HS3ST5: variants seen among roughly 807,000 people sequenced by gnomAD.
HS3ST5 encodes heparan sulfate glucosamine 3-O-sulfotransferase 5.
In HS3ST5, 10 loss-of-function variants were observed where a neutral mutation model predicts 25.4. The observed-to-expected ratio is 0.39, with a 90% CI of 0.24 to 0.67. HS3ST5 has a LOEUF of 0.67. Among genes scored for constraint, HS3ST5 ranks in the 30% least tolerant of loss-of-function variants. The pLI, the probability that HS3ST5 is intolerant of heterozygous loss-of-function variation, is 0.44. For synonymous variants in HS3ST5, 170 were observed against 162.4 expected, an observed-to-expected ratio of 1.05 and a Z score of -0.36; for missense variants, 324 against 420.7, an observed-to-expected ratio of 0.77 and a Z score of 2.01.
chr6:114,226,635 T>A (rs1438150478), intron 2 of HS3ST5, among the ~76,000 whole-genome samples: 1 of 151,944 alleles, frequency 6.6e-6, no homozygotes, highest in Non-Finnish European at 1.5e-5. Context: ...AATGGTCCAT[T>A]TCTGCTCTAA....
chr6:114,092,435 C>T (rs1429871714), intron 3 of HS3ST5, among the ~76,000 whole-genome samples: 13 of 151,948 alleles, frequency 8.6e-5, no homozygotes. Context: ...GCTTGAATAA[C>T]CTGAAACTTA....
At chr6:114,161,530 T>TAA in intron 3 of HS3ST5, among the ~76,000 whole-genome samples, 2 of 34,270 alleles carry the variant, frequency 5.8e-5, no homozygotes, top group Non-Finnish European at 1.1e-4. Context: ...TTTATATATA[T>TAA]ATATATATAT....
chr6:114,195,485 A>C (rs953599496), intron 2 of HS3ST5, among the ~76,000 whole-genome samples: 1 of 151,774 alleles, frequency 6.6e-6, no homozygotes, highest in African/African-American at 2.4e-5. Flanking sequence ...AAGGAATGCA[A>C]ATTAAAAAAA....
intron 3 of HS3ST5, among the ~76,000 whole-genome samples, chr6:114,147,760 T>C (rs1379484905): frequency 1.3e-5 from 2 of 152,088 alleles, no homozygotes. Flanking sequence ...TTTGTATTTT[T>C]AGTAGAGACA....
intron 1 of HS3ST5, chr6:114,231,243 A>G (rs916409614): frequency 6.6e-6 from 1 of 152,140 alleles, no homozygotes; most frequent in Non-Finnish European, 1.5e-5. Context: ...TCATTTTGTA[A>G]ATAGCACTAT....
chr6:114,320,269 A>G (rs1775911428), intron 1 of HS3ST5, among the ~76,000 whole-genome samples: 1 of 152,110 alleles, frequency 6.6e-6, no homozygotes, highest in African/African-American at 2.4e-5. Flanking sequence ...TTTAAGTATT[A>G]AAGCCACGCT....
chr6:114,309,309 A>G (rs1775433093), intron 1 of HS3ST5, among the ~76,000 whole-genome samples: 1 of 152,220 alleles, frequency 6.6e-6, no homozygotes, highest in African/African-American at 2.4e-5. Flanking sequence ...TTTAAGCAGT[A>G]ATAGGTAAAA....
chr6:114,286,974 G>A (rs999956507), intron 1 of HS3ST5, among the ~76,000 whole-genome samples: 1 of 151,878 alleles, frequency 6.6e-6, no homozygotes, highest in Admixed American at 6.6e-5. Context: ...AATTAGAATG[G>A]TACAGAGTAG....
At chr6:114,225,625 A>C (rs546093408) in intron 2 of HS3ST5, among the ~76,000 whole-genome samples, 9 of 151,898 alleles carry the variant, frequency 5.9e-5, no homozygotes, top group South Asian at 4.1e-4. Flanking sequence ...AAACTGTTGC[A>C]CTGCACTTTA....
At chr6:114,161,180 G>A (rs1778928231) in intron 3 of HS3ST5, among the ~76,000 whole-genome samples, 2 of 152,022 alleles carry the variant, frequency 1.3e-5, no homozygotes, top group South Asian at 4.2e-4. Context: ...ATATGAGAGG[G>A]CAGATATCAA....
intron 1 of HS3ST5, among the ~76,000 whole-genome samples, chr6:114,337,540 CT>C (rs1776657897): frequency 6.6e-6 from 1 of 152,130 alleles, no homozygotes; most frequent in South Asian, 2.1e-4. Context: ...TTAAAGTTAC[CT>C]AATTTAAAAG....
intron 1 of HS3ST5, among the ~76,000 whole-genome samples, chr6:114,230,761 T>C (rs1771548453): frequency 1.3e-5 from 2 of 151,926 alleles, no homozygotes; most frequent in African/African-American, 4.8e-5. Flanking sequence ...TATTTTTTTT[T>C]GTATTTTTAA....
intron 3 of HS3ST5, among the ~76,000 whole-genome samples, chr6:114,131,653 A>G (rs1777339100): frequency 6.6e-6 from 1 of 152,206 alleles, no homozygotes; most frequent in Admixed American, 6.5e-5. Flanking sequence ...GAAACTATCT[A>G]TTGTAGACTT....
At chr6:114,161,627 C>T (rs1452305698) in intron 3 of HS3ST5, among the ~76,000 whole-genome samples, 2 of 127,234 alleles carry the variant, frequency 1.6e-5, no homozygotes, top group East Asian at 5.0e-4. Flanking sequence ...GTTGCATTTG[C>T]CTGGCACTCA....
Position 114,338,933 on chromosome 6 carries a change from C to T in HS3ST5, c.-339+3262G>A, listed in dbSNP as rs530536014. On this transcript the variant is annotated intron_variant, in intron 1 of 4. Transcript: ENST00000312719. The stretch of plus-strand genomic sequence containing the variant: ...TAACTAGGTATTTTTGTTTTGAGCT[C>T]CCCTCACCAAAAAATGGAAAGGATT... 5.1e-4 allele frequency among the ~76,000 whole-genome samples: 77 copies of T among 152,056 alleles called. 1 individual carries two copies. Among genetic ancestry groups the T allele is most frequent in the African/African-American group, 1.8e-3 (74 of 41,534 alleles).
rs948316569 is a variant in HS3ST5 at position 114,142,326 on chromosome 6, T to C, written c.-33+26025A>G. Among the ~76,000 whole-genome samples the C allele has an allele frequency of 3.3e-5, 5 of 152,276 alleles. No individual in the cohort carries two copies. In the South Asian group the frequency reaches 1.0e-3, roughly 32 times the overall value. On this transcript the variant is annotated intron_variant, in intron 3 of 4. Coordinates refer to ENST00000312719, the MANE Select transcript of HS3ST5 (RefSeq NM_153612.4). ...GTCAAATAAGGTTTACAGTTTGGGATTGGTAAACCAATGAAAGGAACGAGT... is the reference window on the plus strand; with the variant it reads ...GTCAAATAAGGTTTACAGTTTGGGACTGGTAAACCAATGAAAGGAACGAGT...
intron 1 of HS3ST5, among the ~76,000 whole-genome samples, chr6:114,317,592 CATCT>C (rs567964304): frequency 8.5e-4 from 129 of 151,970 alleles, no homozygotes; most frequent in African/African-American, 4.6e-4. Flanking sequence ...TTCATACATC[CATCT>C]GTTTATTTAG....
At position 114,249,284 on chromosome 6, in the gene HS3ST5, C is replaced by G. The variant is rs555042901; in HGVS notation, c.-338-20506G>C. Reference sequence around the variant, plus strand: ...ATCTTTTAGGCCCTTACATGTTTTTCTTATTCGATTTACCATTTATTACTT... The same window carrying G: ...ATCTTTTAGGCCCTTACATGTTTTTGTTATTCGATTTACCATTTATTACTT... On this transcript the variant is annotated intron_variant, in intron 1 of 4. Transcript: ENST00000312719. Among the ~76,000 whole-genome samples the G allele has an allele frequency of 2.0e-5, 3 of 152,304 alleles. No homozygotes were observed. In the South Asian group the frequency reaches 6.2e-4, roughly 32 times the overall value.
intron 3 of HS3ST5, among the ~76,000 whole-genome samples, chr6:114,112,916 A>G (rs1218000216): frequency 6.6e-6 from 1 of 152,196 alleles, no homozygotes; most frequent in Non-Finnish European, 1.5e-5. Flanking sequence ...TTATAGTAGT[A>G]GATGAACTGT....
Sources: gnomAD v4.1 joint callset for allele counts (sites outside exome capture counted in the v4.1 genomes callset) on GRCh38, gnomAD v4.1.1 for gene constraint, MANE v1.5 for transcripts, NCBI Gene and HGNC (gene_info 2026-07-23, HGNC 2026-07-21) for gene names.